The following DLGAP4 variants were observed in gnomAD, a reference collection of about 807,000 sequenced individuals.
DLGAP4 encodes the protein DLG associated protein 4.
Under a neutral mutation model 86.9 loss-of-function variants are expected in DLGAP4, and 18 were observed. The observed-to-expected ratio is 0.21, with a 90% confidence interval of 0.14 to 0.31. The LOEUF is 0.31. Ranked by LOEUF, DLGAP4 falls within the 10% of genes least tolerant of loss-of-function variation. DLGAP4 has a pLI of 1.00. For missense variants in DLGAP4, 1,085 were observed against 1,362.6 expected, an observed-to-expected ratio of 0.80 and a Z score of 3.21; for synonymous variants, 548 against 574.3, an observed-to-expected ratio of 0.95 and a Z score of 0.65.
chr20:36,401,365 G>T (rs1056253718), intron 2 of DLGAP4, among the ~76,000 whole-genome samples: 2 of 152,188 alleles, frequency 1.3e-5, no homozygotes, highest in African/African-American at 4.8e-5. Context: ...CTCCCTGGCG[G>T]GTCCAGACAG....
At chr20:36,463,789 C>CGA (rs1008465869) in intron 7 of DLGAP4, among the ~76,000 whole-genome samples, 1 of 152,114 alleles carries the variant, frequency 6.6e-6, no homozygotes, top group Non-Finnish European at 1.5e-5. Context: ...AGACCTCAGC[C>CGA]GAGAGAGGTT....
At chr20:36,479,730 A>G (rs1273900252) in intron 7 of DLGAP4, among the ~76,000 whole-genome samples, 1 of 152,078 alleles carries the variant, frequency 6.6e-6, no homozygotes, top group East Asian at 1.9e-4. Flanking sequence ...CAGAGAGGCC[A>G]GTGGTCCCTA....
At chr20:36,493,353 T>G (rs1378310677) in intron 7 of DLGAP4, among the ~76,000 whole-genome samples, 1 of 152,140 alleles carries the variant, frequency 6.6e-6, no homozygotes, top group East Asian at 1.9e-4. Context: ...GTCACAGTGA[T>G]GGGAGGCTCC....
At chr20:36,418,840 A>AG in intron 2 of DLGAP4, among the ~76,000 whole-genome samples, 1 of 116,380 alleles carries the variant, frequency 8.6e-6, no homozygotes, top group South Asian at 2.8e-4. Context: ...AACTAGTTGA[A>AG]TATCATGCTT....
At chr20:36,372,256 G>A (rs1035664634) in intron 2 of DLGAP4, among the ~76,000 whole-genome samples, 3 of 152,188 alleles carry the variant, frequency 2.0e-5, no homozygotes, top group Admixed American at 6.5e-5. Flanking sequence ...GGCACCTACC[G>A]TGTGTCGGCT....
intron 10 of DLGAP4, among the ~76,000 whole-genome samples, chr20:36,506,632 G>GTTCTT (rs767178308): frequency 1.3e-5 from 2 of 152,122 alleles, no homozygotes; most frequent in African/African-American, 2.4e-5. Context: ...ACTTGACAAT[G>GTTCTT]TTCTTTTCAG....
At chr20:36,346,852 T>A (rs1555893052) in intron 1 of DLGAP4, among the ~76,000 whole-genome samples, 4 of 152,190 alleles carry the variant, frequency 2.6e-5, no homozygotes. Context: ...CATGCTGAAG[T>A]CACAGTGGCC....
intron 2 of DLGAP4, among the ~76,000 whole-genome samples, chr20:36,430,707 TACTTTGGA>T: frequency 6.8e-6 from 1 of 147,512 alleles, no homozygotes; most frequent in Admixed American, 6.7e-5. Context: ...GTAATCTCAG[TACTTTGGA>T]AGGCCAAGGT....
At chr20:36,410,728 G>A (rs1416609967) in intron 2 of DLGAP4, among the ~76,000 whole-genome samples, 2 of 152,092 alleles carry the variant, frequency 1.3e-5, no homozygotes, top group African/African-American at 4.8e-5. Flanking sequence ...TGGGAATGGT[G>A]CTAAGCCATT....
At position 36,320,911 on chromosome 20, in the gene DLGAP4, G is replaced by A. The variant is rs750519396; in HGVS notation, c.-304+14399G>A. ...TGCCCCCAGCTTCCTCTGAATCCCC[G>A]AACCCTCCTGTACCCCTTCCAGGAC... On this transcript the variant is annotated intron_variant, in intron 1 of 12. Coordinates refer to ENST00000339266, the MANE Select transcript of DLGAP4 (RefSeq NM_001365621.2). Among the ~76,000 whole-genome samples the A allele has an allele frequency of 4.6e-5, 7 of 152,272 alleles. No homozygotes were observed. The East Asian group carries it at 5.8e-4, about 13-fold the overall frequency.
intron 2 of DLGAP4, among the ~76,000 whole-genome samples, chr20:36,400,895 C>T (rs2032138769): frequency 6.6e-6 from 1 of 152,094 alleles, no homozygotes; most frequent in South Asian, 2.1e-4. Flanking sequence ...AGGCAGCTGT[C>T]ACCGGGCGCT....
At chr20:36,446,453 A>G (rs1043582351) in intron 6 of DLGAP4, among the ~76,000 whole-genome samples, 1 of 152,182 alleles carries the variant, frequency 6.6e-6, no homozygotes, top group African/African-American at 2.4e-5. Flanking sequence ...CACAGTTAAT[A>G]TCCTGAGATA....
chr20:36,378,678 CTG>C (rs2031254276), intron 2 of DLGAP4, among the ~76,000 whole-genome samples: 1 of 151,904 alleles, frequency 6.6e-6, no homozygotes, highest in South Asian at 2.1e-4. Context: ...CCATCTGAGT[CTG>C]GAGTTGCCCT....
chr20:36,446,351 G>T (rs2033591856), intron 6 of DLGAP4, among the ~76,000 whole-genome samples: 1 of 152,174 alleles, frequency 6.6e-6, no homozygotes, highest in African/African-American at 2.4e-5. Context: ...CAACATTCAG[G>T]ACAGACATTG....
At chr20:36,439,618 A>G in intron 4 of DLGAP4, 136 bp from the exon 5 acceptor site, 1 of 701,936 alleles carries the variant, frequency 1.4e-6, no homozygotes, top group East Asian at 2.8e-5. Context: ...GTCAAATACA[A>G]GCTGGTGCTG....
intron 10 of DLGAP4, among the ~76,000 whole-genome samples, chr20:36,523,739 C>T (rs1432534683): frequency 6.6e-6 from 1 of 152,222 alleles, no homozygotes; most frequent in Admixed American, 6.5e-5. Flanking sequence ...TCTTGGCTCA[C>T]TGTAACCTCC....
chr20:36,525,251 A>AAAAAAAAAAAAAAAAAC (rs2037664222), intron 11 of DLGAP4, among the ~76,000 whole-genome samples: 1 of 63,228 alleles, frequency 1.6e-5, no homozygotes, highest in Non-Finnish European at 4.8e-5. Context: ...AAAAAAAAAA[A>AAAAAAAAAAAAAAAAAC]AAACAAAGAA....
chr20:36,499,227 CTG>C (rs764751688), intron 8 of DLGAP4: 1 of 1,583,420 alleles, frequency 6.3e-7, no homozygotes, highest in East Asian at 2.3e-5. Context: ...TTTTTTCTCT[CTG>C]ATGCGTGTGA....
intron 2 of DLGAP4, among the ~76,000 whole-genome samples, chr20:36,414,715 T>A (rs560850182): frequency 4.6e-5 from 7 of 152,200 alleles, no homozygotes; most frequent in Non-Finnish European, 5.9e-5. Flanking sequence ...CCATGGGGGC[T>A]CCAGGGGGCA....
Sources: allele counts gnomAD v4.1 joint callset (sites outside exome capture counted in the v4.1 genomes callset), GRCh38; gene constraint gnomAD v4.1.1; transcripts MANE v1.5; gene names NCBI Gene and HGNC (gene_info 2026-07-23, HGNC 2026-07-21).